Variants in ROR1 observed in about 807,000 individuals in gnomAD.
ROR1 encodes ROR family WNT receptor 1, also known as inactive tyrosine-protein kinase transmembrane receptor ROR1.
In ROR1, 19 loss-of-function variants were observed where a neutral mutation model predicts 78.8. The ratio of observed to expected loss-of-function variants is 0.24; its 90% confidence interval spans 0.17 to 0.35. The LOEUF (loss-of-function observed/expected upper bound fraction) is 0.35, where lower values mean the gene tolerates loss of function less well. ROR1 is among the 10% of genes least tolerant of loss of function. ROR1 has a pLI of 1.00. For synonymous variants in ROR1, 386 were observed against 433.6 expected, an observed-to-expected ratio of 0.89 and a Z score of 1.36; for missense variants, 917 against 1,177.8, an observed-to-expected ratio of 0.78 and a Z score of 3.24.
chr1:64,077,426 A>T (rs1647059389), intron 4 of ROR1, among the ~76,000 whole-genome samples: 2 of 152,092 alleles, frequency 1.3e-5, no homozygotes, highest in Non-Finnish European at 2.9e-5. Context: ...TCAGTGGCTG[A>T]CTTTACCCCA....
chr1:64,039,448 G>C (rs1646728533), intron 2 of ROR1, among the ~76,000 whole-genome samples: 1 of 152,166 alleles, frequency 6.6e-6, no homozygotes, highest in South Asian at 2.1e-4. Flanking sequence ...GCTCCACTTA[G>C]AGCCATCAAA....
intron 1 of ROR1, among the ~76,000 whole-genome samples, chr1:63,920,332 T>C: frequency 6.6e-6 from 1 of 152,092 alleles, no homozygotes; most frequent in East Asian, 1.9e-4. Flanking sequence ...TTTGAGCTGG[T>C]TTTTCAAAGG....
chr1:63,798,518 T>C (rs1644776502), intron 1 of ROR1, among the ~76,000 whole-genome samples: 1 of 152,158 alleles, frequency 6.6e-6, no homozygotes, highest in Admixed American at 6.5e-5. Flanking sequence ...TGCAGTCCGC[T>C]GCCATAGAGA....
chr1:64,144,411 G>A (rs1649420699), intron 7 of ROR1, among the ~76,000 whole-genome samples: 1 of 152,172 alleles, frequency 6.6e-6, no homozygotes, highest in Non-Finnish European at 1.5e-5. Flanking sequence ...ACACCTGAAG[G>A]AAAGAGGAGC....
Position 63,936,745 on chromosome 1 carries a change from C to T in ROR1, c.92-72560C>T, listed in dbSNP as rs1451124320. Reference sequence around the variant, plus strand: ...GCAGGTGATGTTACCCTTCTGAGCACTTTCCTTAGCTCCTTGTAAAGTTGC... The same window carrying T: ...GCAGGTGATGTTACCCTTCTGAGCATTTTCCTTAGCTCCTTGTAAAGTTGC... On this transcript the variant is annotated intron_variant, in intron 1 of 8. Transcript: ENST00000371079. Among the ~76,000 whole-genome samples, 4 of 152,178 alleles carry T rather than the reference C, an allele frequency of 2.6e-5. No individual in the cohort carries two copies. In the East Asian group the frequency reaches 7.7e-4, roughly 29 times the overall value.
At chr1:63,967,606 G>A (rs1383457696) in intron 1 of ROR1, among the ~76,000 whole-genome samples, 1 of 152,070 alleles carries the variant, frequency 6.6e-6, no homozygotes, top group Non-Finnish European at 1.5e-5. Context: ...TTCCAGCATC[G>A]AATACAGTAC....
chr1:63,788,112 T>C (rs183493142), intron 1 of ROR1, among the ~76,000 whole-genome samples: 2 of 152,316 alleles, frequency 1.3e-5, no homozygotes, highest in Admixed American at 1.3e-4. Context: ...TCTGAGCCAG[T>C]AGACGCTGCT....
chr1:63,990,924 A>C (rs1200584576), intron 1 of ROR1, among the ~76,000 whole-genome samples: 1 of 152,162 alleles, frequency 6.6e-6, no homozygotes, highest in Admixed American at 6.5e-5. Flanking sequence ...ACTATGTATA[A>C]ATGAAAAACT....
chr1:64,050,642 A>G (rs886374759), intron 3 of ROR1, 44 bp from the exon 4 acceptor site: 3 of 1,592,922 alleles, frequency 1.9e-6, no homozygotes, highest in Non-Finnish European at 2.6e-6. Flanking sequence ...ACCCTCCAAT[A>G]ACCTAGACTG....
At chr1:63,911,887 G>A (rs1013590258) in intron 1 of ROR1, among the ~76,000 whole-genome samples, 6 of 152,128 alleles carry the variant, frequency 3.9e-5, no homozygotes, top group Non-Finnish European at 8.8e-5. Context: ...GGCTTTGGCC[G>A]TGAAAATGAC....
At chr1:63,922,791 T>A (rs1645668071) in intron 1 of ROR1, among the ~76,000 whole-genome samples, 2 of 152,074 alleles carry the variant, frequency 1.3e-5, no homozygotes, top group African/African-American at 2.4e-5. Context: ...ACTTAGAGGG[T>A]TAAGAGACTT....
intron 1 of ROR1, among the ~76,000 whole-genome samples, chr1:63,973,588 CT>C (rs1425824213): frequency 2.0e-5 from 3 of 152,088 alleles, no homozygotes; most frequent in African/African-American, 7.2e-5. Flanking sequence ...GTGACTCCTG[CT>C]TCAGGGACTA....
At chr1:64,080,848 C>T (rs1349157457) in intron 4 of ROR1, among the ~76,000 whole-genome samples, 4 of 152,190 alleles carry the variant, frequency 2.6e-5, no homozygotes, top group Non-Finnish European at 5.9e-5. Flanking sequence ...CCCCTGTAGC[C>T]TTTCCAAGCC....
chr1:63,877,226 T>C (rs1172787049), intron 1 of ROR1, among the ~76,000 whole-genome samples: 1 of 152,134 alleles, frequency 6.6e-6, no homozygotes, highest in East Asian at 1.9e-4. Flanking sequence ...GAAAAATTCC[T>C]CTGGGTACAG....
intron 4 of ROR1, among the ~76,000 whole-genome samples, chr1:64,099,133 A>G (rs1647417817): frequency 1.3e-5 from 2 of 152,098 alleles, no homozygotes; most frequent in African/African-American, 4.8e-5. Context: ...CTTACACATT[A>G]GCGTATACTC....
At chr1:63,825,698 T>A (rs1224998583) in intron 1 of ROR1, among the ~76,000 whole-genome samples, 2 of 152,236 alleles carry the variant, frequency 1.3e-5, no homozygotes, top group Admixed American at 1.3e-4. Flanking sequence ...AAAAATATTC[T>A]TTGAAAGCTG....
chr1:63,947,447 T>TG (rs1444135650), intron 1 of ROR1, among the ~76,000 whole-genome samples: 2 of 152,286 alleles, frequency 1.3e-5, no homozygotes, highest in African/African-American at 4.8e-5. Flanking sequence ...AAGGAAAACA[T>TG]ACTTCAGTGT....
At chr1:63,943,835 AAAAAG>A (rs1245495923) in intron 1 of ROR1, among the ~76,000 whole-genome samples, 1 of 152,272 alleles carries the variant, frequency 6.6e-6, no homozygotes, top group Non-Finnish European at 1.5e-5. Flanking sequence ...TAATGCAAAC[AAAAAG>A]AAAAGAGAGA....
intron 1 of ROR1, among the ~76,000 whole-genome samples, chr1:63,798,083 T>C (rs562430880): frequency 6.6e-6 from 1 of 152,284 alleles, no homozygotes; most frequent in East Asian, 1.9e-4. Flanking sequence ...GTAGGTCTCC[T>C]GATCATGAAG....
Sources: allele counts gnomAD v4.1 joint callset (sites outside exome capture counted in the v4.1 genomes callset), GRCh38; gene constraint gnomAD v4.1.1; transcripts MANE v1.5; gene names NCBI Gene and HGNC (gene_info 2026-07-23, HGNC 2026-07-21).